GOLGA6L2: variants seen among roughly 807,000 people sequenced by gnomAD.
GOLGA6L2 encodes the protein golgin A6 family like 2.
In GOLGA6L2, 30 loss-of-function variants were observed where a neutral mutation model predicts 35.9. The ratio of observed to expected loss-of-function variants is 0.83; its 90% confidence interval spans 0.62 to 1.13. The LOEUF (loss-of-function observed/expected upper bound fraction) is 1.13. Ranked by LOEUF, GOLGA6L2 falls within the 50% of genes most tolerant of loss-of-function variation. The probability of loss-of-function intolerance (pLI) is 0.00; values close to 1 mark genes in which losing one functional copy is unlikely to be tolerated. For missense variants in GOLGA6L2, 821 were observed against 973.4 expected, an observed-to-expected ratio of 0.84 and a Z score of 2.08; for synonymous variants, 297 against 344.0, an observed-to-expected ratio of 0.86 and a Z score of 1.51.
rs775722313 is a variant in GOLGA6L2, at chr15:23,439,766, G to A, written c.2709C>T (p.Pro903=). 2.2e-5 allele frequency: 34 copies of A among 1,535,142 alleles called. No individual in the cohort carries two copies. The highest frequency in any genetic ancestry group is 4.1e-5 in the African/African-American group (3 of 72,570). Residue 903 remains proline, a synonymous_variant, in exon 8 of 8, where the codon CCC becomes CCT. Coordinates refer to ENST00000567107, the MANE Select transcript of GOLGA6L2 (RefSeq NM_001304388.2). ...ARGAVLRALP[P]SLQSSL ...CATATTACAAAGAACTTTGGAGGGA[G>A]GGAGGCAGGGCTCTGAGCACCGCTC...
In GOLGA6L2 at chr15:23,440,902, C is replaced by A. The variant is rs757263677; in HGVS notation, c.1573G>T (p.Glu525Ter). The A allele has an allele frequency of 3.6e-6, 5 of 1,380,922 alleles. No homozygotes were observed. In the South Asian group the frequency reaches 6.6e-5, roughly 18 times the overall value. The allele number at this position is 1,380,922 out of a possible 1,614,324, so 85.5% of individuals were successfully genotyped here. ...EQEEKIRDQEEMWGQEKKMWR... is the reference protein window; with the variant it reads ...EQEEKIRDQE Reference sequence around the variant, plus strand: ...ATCTTCTTCTCCTGCCCCCACATCTCCTCCTGGTCCCGTATCTTCTCCTCC... The same window carrying A: ...ATCTTCTTCTCCTGCCCCCACATCTACTCCTGGTCCCGTATCTTCTCCTCC... The change falls in exon 8 of 8, where the codon GAG (glutamate) becomes TAG (stop). Residue 525 changes from glutamate (E) to a stop codon, truncating the protein, a stop_gained. Transcript: ENST00000567107. LOFTEE classifies it low-confidence loss of function (END_TRUNC).
Position 23,442,007 on chromosome 15 carries a change from A to G in GOLGA6L2, c.764T>C (p.Leu255Pro), listed in dbSNP as rs1482243337. ...TGGCAGCAGGAACTTGGCCCTCTCC[A>G]GTTTCCTTTTTAGCTCCTTCACGTT... is the stretch of plus-strand genomic sequence containing the variant. ...QLNVKELKRK[L>P]ERAKFLLPQV... The change falls in exon 7 of 8, where the codon CTG becomes CCG. Residue 255 changes from leucine to proline, a missense_variant. Coordinates refer to ENST00000567107, the MANE Select transcript of GOLGA6L2 (RefSeq NM_001304388.2). The G allele has an allele frequency of 6.5e-7, 1 of 1,545,056 alleles. No homozygotes were observed. The highest frequency in any genetic ancestry group is 8.7e-7 in the Non-Finnish European group (1 of 1,152,752).
rs1391299845 is a variant in GOLGA6L2, at chr15:23,441,406, T to G, written c.1069A>C (p.Met357Leu). 1 of 1,533,158 alleles carries G rather than the reference T, an allele frequency of 6.5e-7. No homozygotes were observed. Among genetic ancestry groups the G allele is most frequent in the Non-Finnish European group, 8.8e-7 (1 of 1,140,706 alleles). The allele number at this position is 1,533,158 out of a possible 1,614,324, so 95.0% of individuals were successfully genotyped here. A position where few individuals can be genotyped will look rare whatever the true frequency, so the allele number is the denominator to read the frequency against. The change falls in exon 8 of 8, where the codon ATG (methionine) becomes CTG (leucine). Residue 357 changes from methionine (M) to leucine (L), a missense_variant. This residue lies in a region of GOLGA6L2 where 614 missense variants were observed against 632.3 expected (regional missense o/e 0.97). Coordinates refer to ENST00000567107, the MANE Select transcript of GOLGA6L2 (RefSeq NM_001304388.2). Reference protein sequence around the residue: ...EEQMQEQEEKMWEQEEKMREQ... With the variant: ...EEQMQEQEEKLWEQEEKMREQ... ...CGCATCTTCTCCTCCTGCTCCCACATCTTCTCCTCCTGCTCCTGCATCTGC... is the reference window on the plus strand; with the variant it reads ...CGCATCTTCTCCTCCTGCTCCCACAGCTTCTCCTCCTGCTCCTGCATCTGC...
In GOLGA6L2 at chr15:23,441,112, G is replaced by A. The variant is rs754577099; in HGVS notation, c.1363C>T (p.Arg455Trp). The A allele has an allele frequency of 8.9e-6, 12 of 1,353,370 alleles. No homozygotes were observed. The highest frequency in any genetic ancestry group is 2.7e-5 in the South Asian group (2 of 73,606). The allele number at this position is 1,353,370 out of a possible 1,614,324, so 83.8% of individuals were successfully genotyped here. A position where few individuals can be genotyped will look rare whatever the true frequency, so the allele number is the denominator to read the frequency against. Residue 455 changes from arginine (R) to tryptophan (W), a missense_variant, in exon 8 of 8, where the codon CGG becomes TGG. Arg to Trp is a moderately radical substitution (Grantham distance 101). Around this residue, in one of 7 missense-constraint regions of GOLGA6L2, gnomAD observed 614 missense variants for 632.3 expected, o/e 0.97. Coordinates refer to ENST00000567107, the MANE Select transcript of GOLGA6L2 (RefSeq NM_001304388.2). ...TCCTCTTCCCGCATCTTCTTCTCCC[G>A]CTCCCGTATCCTCTCCTCCTCTTGC... is the stretch of plus-strand genomic sequence containing the variant. Reference protein sequence around the residue: ...KMQEEERIREREKKMREEEET... With the variant: ...KMQEEERIREWEKKMREEEET...
intron 5 of GOLGA6L2, 116 bp from the exon 6 acceptor site, chr15:23,442,624 C>A: frequency 1.0e-6 from 1 of 973,908 alleles, no homozygotes; most frequent in Non-Finnish European, 1.6e-6. Context: ...CCATCACACC[C>A]GACATGTTCT....
Position 23,441,523 on chromosome 15 carries a change from T to G in GOLGA6L2, c.952A>C (p.Arg318=). The G allele has an allele frequency of 7.3e-7, 1 of 1,366,750 alleles. No individual in the cohort carries two copies. Among genetic ancestry groups the G allele is most frequent in the Non-Finnish European group, 9.8e-7 (1 of 1,025,072 alleles). The allele number at this position is 1,366,750 out of a possible 1,614,324, so 84.7% of individuals were successfully genotyped here. ...TGCTCTCGCAGCCTCTTCTCCTGTC[T>G]CCGCATCTTCTCCTCCTGCTCCCGC... ...KMREQEEKMR[R]QEKRLREQEK... The change falls in exon 8 of 8, where the codon AGA becomes CGA. Residue 318 remains arginine, a synonymous_variant. Coordinates refer to ENST00000567107, the MANE Select transcript of GOLGA6L2 (RefSeq NM_001304388.2).
chr15:23,446,987 G>C (rs140042216), intron 1 of GOLGA6L2, 111 bp downstream of exon 1: 9 of 600,908 alleles, frequency 1.5e-5, no homozygotes, highest in African/African-American at 9.5e-5. Context: ...CACTGGGGGG[G>C]ACCCAGCCCA....
Position 23,444,160 on chromosome 15 carries a change from A to C in GOLGA6L2, c.294+2T>G. On this transcript the variant is annotated splice_donor_variant, in intron 4 of 7. Coordinates refer to ENST00000567107, the MANE Select transcript of GOLGA6L2 (RefSeq NM_001304388.2). LOFTEE classifies it high-confidence loss of function. ...GGAGGGAACTTCACACCCTCCACTC[A>C]CCTCTATCTCCCGCCTTAGGGCTTC... 6.2e-7 allele frequency: 1 copy of C among 1,603,912 alleles called. No homozygotes were observed. Among genetic ancestry groups the C allele is most frequent in the Non-Finnish European group, 8.5e-7 (1 of 1,179,038 alleles).
At position 23,439,510 on chromosome 15, in the gene GOLGA6L2, T is replaced by C. The variant is rs1178980355; in HGVS notation, c.*235A>G. 5.6e-6 allele frequency: 7 copies of C among 1,257,760 alleles called. No homozygotes were observed. The highest frequency in any genetic ancestry group is 1.5e-5 in the African/African-American group (1 of 67,298). 77.9% of individuals were successfully genotyped at this position (1,257,760 alleles called of 1,614,324 possible). On this transcript the variant is annotated 3_prime_UTR_variant, in exon 8 of 8. Transcript: ENST00000567107. ...ATTCACACAGTGACATGGCGGCTTA[T>C]GCTTCTGTAGGCCTTGTTGACAGTG...
Position 23,440,895 on chromosome 15 carries a change from C to G in GOLGA6L2, c.1580G>C (p.Trp527Ser), listed in dbSNP as rs866566554. The G allele has an allele frequency of 2.1e-5, 30 of 1,457,458 alleles. No homozygotes were observed. The highest frequency in any genetic ancestry group is 9.2e-5 in the African/African-American group (6 of 65,244). The allele number at this position is 1,457,458 out of a possible 1,614,324, so 90.3% of individuals were successfully genotyped here. The change falls in exon 8 of 8, where the codon TGG becomes TCG. Residue 527 changes from tryptophan (W) to serine (S), a missense_variant. Transcript: ENST00000567107. ...EEKIRDQEEM[W>S]GQEKKMWRQE... ...CCGCCACATCTTCTTCTCCTGCCCC[C>G]ACATCTCCTCCTGGTCCCGTATCTT...
rs191536630 is a variant in GOLGA6L2 at position 23,444,440 on chromosome 15, A to G, written c.243+31T>C. 3.9e-4 allele frequency: 616 copies of G among 1,599,624 alleles called. 3 individuals carry two copies. In the African/African-American group the frequency reaches 5.2e-3, roughly 14 times the overall value. The stretch of plus-strand genomic sequence containing the variant: ...CATCTGAGTGCCCTCCAAACCCAGC[A>G]GTCATGTCGTGAGCAAACAAATCAC... On this transcript the variant is annotated intron_variant, in intron 3 of 7. Transcript: ENST00000567107.
At position 23,441,093 on chromosome 15, in the gene GOLGA6L2, TC is replaced by T; in HGVS notation, c.1381del (p.Glu461LysfsTer517). The T allele has an allele frequency of 1.3e-6, 2 of 1,527,956 alleles. No homozygotes were observed. Among genetic ancestry groups the T allele is most frequent in the Non-Finnish European group, 1.8e-6 (2 of 1,140,136 alleles). 94.6% of individuals were successfully genotyped at this position (1,527,956 alleles called of 1,614,324 possible). ...RIREREKKMR[E>X]EEETMREQEE... The stretch of plus-strand genomic sequence containing the variant: ...CTGCTCCCGCATCGTCTCCTCCTCT[TC>T]CCGCATCTTCTTCTCCCGCTCCCGT... On this transcript the variant is annotated frameshift_variant, in exon 8 of 8. Coordinates refer to ENST00000567107, the MANE Select transcript of GOLGA6L2 (RefSeq NM_001304388.2). LOFTEE classifies it low-confidence loss of function (END_TRUNC).
intron 3 of GOLGA6L2, 61 bp from the exon 4 acceptor site, chr15:23,444,273 A>C: frequency 6.4e-7 from 1 of 1,564,134 alleles, no homozygotes. Flanking sequence ...AGCAAGAGAC[A>C]TGCCCCCAGA....
chr15:23,443,540 C>T (rs953105189), intron 5 of GOLGA6L2, among the ~76,000 whole-genome samples: 4 of 152,218 alleles, frequency 2.6e-5, no homozygotes, highest in African/African-American at 4.8e-5. Context: ...ATGGGCAGGG[C>T]AGGCTCTTGG....
Position 23,439,745 on chromosome 15 carries a change from T to G in GOLGA6L2, c.2730A>C (p.Ter910TyrextTer86), listed in dbSNP as rs547153037. 1.3e-5 allele frequency: 20 copies of G among 1,536,268 alleles called. No individual in the cohort carries two copies. In the Admixed American group the frequency reaches 1.8e-4, roughly 14 times the overall value. The change falls in exon 8 of 8, where the codon TAA (stop) becomes TAC (tyrosine). Residue 910 changes from the stop codon to tyrosine, a stop_lost. Coordinates refer to ENST00000567107, the MANE Select transcript of GOLGA6L2 (RefSeq NM_001304388.2). The part of the protein sequence containing the change: ...ALPPSLQSSL[*>Y] The stretch of plus-strand genomic sequence containing the variant: ...CTCCACACTGCCAGTGTGGCTCATA[T>G]TACAAAGAACTTTGGAGGGAGGGAG...
Position 23,442,893 on chromosome 15 carries a change from G to C in GOLGA6L2, c.592-385C>G, listed in dbSNP as rs2070712795. Among the ~76,000 whole-genome samples, 5 of 152,248 alleles carry C rather than the reference G, an allele frequency of 3.3e-5. No homozygotes were observed. In the South Asian group the frequency reaches 1.0e-3, roughly 32 times the overall value. ...AGTAAGGGTAGAAGGGACAGGGAAA[G>C]AGACTGAATTGATAGCTGGCTAACA... On this transcript the variant is annotated intron_variant, in intron 5 of 7. Transcript: ENST00000567107.
Position 23,440,846 on chromosome 15 carries a change from T to TTC in GOLGA6L2, c.1627_1628dup (p.Asp544LysfsTer435). On this transcript the variant is annotated frameshift_variant, in exon 8 of 8. Transcript: ENST00000567107. LOFTEE classifies it low-confidence loss of function (END_TRUNC). The stretch of plus-strand genomic sequence containing the variant: ...CAGCCTCTCCTCCTGTCTCCACATC[T>TTC]TCCTGCTCCCGCATCTTCTCCTGCC... 6.7e-7 allele frequency: 1 copy of TTC among 1,498,656 alleles called. No homozygotes were observed. The highest frequency in any genetic ancestry group is 1.7e-4 in the Middle Eastern group (1 of 5,754). The allele number at this position is 1,498,656 out of a possible 1,614,324, so 92.8% of individuals were successfully genotyped here.
rs1282504864 is a variant in GOLGA6L2, at chr15:23,440,776, C to G, written c.1699G>C (p.Gly567Arg). 18 of 1,444,616 alleles carry G rather than the reference C, an allele frequency of 1.2e-5. No individual in the cohort carries two copies. In the African/African-American group the frequency reaches 1.7e-4, roughly 14 times the overall value. 89.5% of individuals were successfully genotyped at this position (1,444,616 alleles called of 1,614,324 possible). A position where few individuals can be genotyped will look rare whatever the true frequency, so the allele number is the denominator to read the frequency against. Residue 567 changes from glycine to arginine, a missense_variant, in exon 8 of 8, where the codon GGA (glycine) becomes CGA (arginine). By Grantham distance (125) the Gly-to-Arg change is moderately radical. Transcript: ENST00000567107. The part of the protein sequence containing the change: ...ADVGAGGEDA[G>R]SGAEDVGPGG... ...GGTCCCACATCTTCTGCTCCTGATC[C>G]CGCATCTTCTCCTCCTGCTCCCACA...
At chr15:23,447,039 C>T in intron 1 of GOLGA6L2, 59 bp downstream of exon 1, 1 of 815,228 alleles carries the variant, frequency 1.2e-6, no homozygotes, top group Non-Finnish European at 2.0e-6. Flanking sequence ...GATGTTCTGC[C>T]ATGGGAGGGG....
Sources: gnomAD v4.1 joint callset for allele counts (sites outside exome capture counted in the v4.1 genomes callset) on GRCh38, gnomAD v4.1.1 for gene constraint, gnomAD v4.1.1 regional missense constraint, MANE v1.5 for transcripts, NCBI Gene and HGNC (gene_info 2026-07-23, HGNC 2026-07-21) for gene names.